The following SH3PXD2A variants were observed in gnomAD, a reference collection of about 807,000 sequenced individuals.
SH3PXD2A encodes SH3 and PX domains 2A, also known as SH3 and PX domain-containing protein 2A.
A neutral mutation model predicts 115.2 loss-of-function variants in SH3PXD2A; 32 were observed. The ratio of observed to expected loss-of-function variants is 0.28; its 90% CI spans 0.21 to 0.37. The LOEUF (loss-of-function observed/expected upper bound fraction) is 0.37, where lower values mean the gene tolerates loss of function less well. Among genes scored for constraint, SH3PXD2A ranks in the 10% least tolerant of loss-of-function variants. SH3PXD2A has a pLI of 1.00. For synonymous variants in SH3PXD2A, 610 were observed against 629.1 expected, an observed-to-expected ratio of 0.97 and a Z score of 0.45; for missense variants, 1,328 against 1,498.7, an observed-to-expected ratio of 0.89 and a Z score of 1.88.
intron 5 of SH3PXD2A, among the ~76,000 whole-genome samples, chr10:103,718,153 G>A (rs977562334): frequency 6.6e-6 from 1 of 151,950 alleles, no homozygotes; most frequent in East Asian, 1.9e-4. Flanking sequence ...CCACAGGCGT[G>A]TGCCACCATG....
At chr10:103,622,367 C>T (rs2036619530) in intron 10 of SH3PXD2A, 103 bp downstream of exon 10, 2 of 756,306 alleles carry the variant, frequency 2.6e-6, no homozygotes, top group Non-Finnish European at 4.4e-6. Context: ...TCTGGGTGAA[C>T]AAGGAGGCCA....
At chr10:103,767,818 T>G (rs549404143) in intron 2 of SH3PXD2A, among the ~76,000 whole-genome samples, 24 of 147,078 alleles carry the variant, frequency 1.6e-4, no homozygotes, top group East Asian at 6.1e-4. Flanking sequence ...TTGTTTTTTT[T>G]TTTTTTTTTT....
chr10:103,773,074 A>G (rs895824188), intron 2 of SH3PXD2A, among the ~76,000 whole-genome samples: 2 of 152,012 alleles, frequency 1.3e-5, no homozygotes, highest in African/African-American at 4.8e-5. Flanking sequence ...AAATACAAAA[A>G]TTAGCTGGGC....
At chr10:103,758,109 T>A (rs1027807158) in intron 3 of SH3PXD2A, among the ~76,000 whole-genome samples, 1 of 152,236 alleles carries the variant, frequency 6.6e-6, no homozygotes, top group African/African-American at 2.4e-5. Flanking sequence ...GGAGTCCGTG[T>A]GACTGGGCCA....
chr10:103,674,623 C>A (rs2037506444), intron 6 of SH3PXD2A, among the ~76,000 whole-genome samples: 1 of 152,220 alleles, frequency 6.6e-6, no homozygotes, highest in South Asian at 2.1e-4. Context: ...AGTTTGAGAC[C>A]AGCCTGGCCA....
chr10:103,792,082 C>T (rs1052660885), intron 2 of SH3PXD2A, among the ~76,000 whole-genome samples: 12 of 152,246 alleles, frequency 7.9e-5, no homozygotes, highest in African/African-American at 1.9e-4. Context: ...CCAGGTGGAG[C>T]GGAGCCAGCC....
intron 4 of SH3PXD2A, among the ~76,000 whole-genome samples, chr10:103,729,020 A>C (rs1166668169): frequency 6.6e-6 from 1 of 151,822 alleles, no homozygotes; most frequent in Non-Finnish European, 1.5e-5. Flanking sequence ...CAGCCTCCTG[A>C]GTAGGTGGGA....
chr10:103,714,198 C>G (rs1194469549), intron 5 of SH3PXD2A, among the ~76,000 whole-genome samples: 1 of 152,192 alleles, frequency 6.6e-6, no homozygotes, highest in Non-Finnish European at 1.5e-5. Context: ...CCAGGGCTTA[C>G]CCCTTCCGCC....
intron 6 of SH3PXD2A, among the ~76,000 whole-genome samples, chr10:103,672,958 G>A (rs750076121): frequency 8.5e-5 from 13 of 152,212 alleles, no homozygotes; most frequent in Non-Finnish European, 1.5e-4. Context: ...CCAGGGGCCT[G>A]GAGATTCCGG....
At chr10:103,764,391 A>G (rs939648378) in intron 3 of SH3PXD2A, among the ~76,000 whole-genome samples, 1 of 152,066 alleles carries the variant, frequency 6.6e-6, no homozygotes, top group African/African-American at 2.4e-5. Flanking sequence ...GCTGAAGAGG[A>G]GTCTAAGAGG....
At chr10:103,825,371 G>A (rs11594468) in intron 1 of SH3PXD2A, among the ~76,000 whole-genome samples, 32,558 of 152,124 alleles carry the variant, frequency 0.21, 4,087 homozygotes, top group Non-Finnish European at 0.28. Flanking sequence ...GTTAACAGGC[G>A]TTGCAGGGAG....
At chr10:103,724,878 C>T (rs2038222159) in intron 4 of SH3PXD2A, among the ~76,000 whole-genome samples, 1 of 152,178 alleles carries the variant, frequency 6.6e-6, no homozygotes, top group Non-Finnish European at 1.5e-5. Flanking sequence ...AGGGAATTCC[C>T]TTCTGCACAC....
At chr10:103,827,057 C>G (rs1228200930) in intron 1 of SH3PXD2A, among the ~76,000 whole-genome samples, 1 of 152,182 alleles carries the variant, frequency 6.6e-6, no homozygotes, top group African/African-American at 2.4e-5. Flanking sequence ...CCAGGCGAAT[C>G]TGTCATCCTG....
chr10:103,720,556 C>T (rs771183830), intron 5 of SH3PXD2A, among the ~76,000 whole-genome samples: 1 of 152,238 alleles, frequency 6.6e-6, no homozygotes, highest in South Asian at 2.1e-4. Flanking sequence ...ATGGACCCTG[C>T]AGCAGCACAC....
At position 103,789,310 on chromosome 10, in the gene SH3PXD2A, C is replaced by T. The variant is rs375064385; in HGVS notation, c.153+11972G>A. ...TACATCCTGGGCTGCCCACTTAGTG[C>T]GGCAACACCCGTTCTGTGCATTCCA... On this transcript the variant is annotated intron_variant, in intron 2 of 14. Coordinates refer to ENST00000369774, the MANE Select transcript of SH3PXD2A (RefSeq NM_001394015.1). 1.6e-4 allele frequency among the ~76,000 whole-genome samples: 24 copies of T among 152,302 alleles called. No homozygotes were observed. In the East Asian group the frequency reaches 2.7e-3, roughly 17 times the overall value.
rs2036201429 is a variant in SH3PXD2A at position 103,600,608 on chromosome 10, T to G, written c.*1208A>C. On this transcript the variant is annotated 3_prime_UTR_variant, in exon 15 of 15. Coordinates refer to ENST00000369774, the MANE Select transcript of SH3PXD2A (RefSeq NM_001394015.1). The stretch of plus-strand genomic sequence containing the variant: ...CCAGCAGGCTGGGAGCTGCCTTCTC[T>G]CCAAAAGTCTGGCTCCTGAACACCC... 1 of 152,166 alleles carries G rather than the reference T, an allele frequency of 6.6e-6. No homozygotes were observed. Among genetic ancestry groups the G allele is most frequent in the Non-Finnish European group, 1.5e-5 (1 of 68,020 alleles). 9.4% of individuals were successfully genotyped at this position (152,166 alleles called of 1,614,324 possible).
chr10:103,662,001 G>A, intron 7 of SH3PXD2A: 1 of 968,734 alleles, frequency 1.0e-6, no homozygotes, highest in Non-Finnish European at 1.2e-6. Flanking sequence ...AGTCGGACCA[G>A]CCTCAGGCCT....
chr10:103,775,326 T>G (rs2038867469), intron 2 of SH3PXD2A, among the ~76,000 whole-genome samples: 1 of 152,202 alleles, frequency 6.6e-6, no homozygotes, highest in African/African-American at 2.4e-5. Flanking sequence ...TCAGTCATGG[T>G]CTGTGATCCG....
intron 5 of SH3PXD2A, among the ~76,000 whole-genome samples, chr10:103,715,713 C>T (rs1032212787): frequency 6.6e-6 from 1 of 152,254 alleles, no homozygotes; most frequent in African/African-American, 2.4e-5. Flanking sequence ...AGGCTGGCAG[C>T]CAGACATAAG....
Sources: gnomAD v4.1 joint callset for allele counts (sites outside exome capture counted in the v4.1 genomes callset) on GRCh38, gnomAD v4.1.1 for gene constraint, MANE v1.5 for transcripts, NCBI Gene and HGNC (gene_info 2026-07-23, HGNC 2026-07-21) for gene names.